CELF4: variants seen among roughly 807,000 people sequenced by gnomAD.
The protein encoded by CELF4 is CUGBP Elav-like family member 4, also known as CUG-BP- and ETR-3-like factor 4.
CELF4 carries 18 observed loss-of-function variants against 59.9 expected under a neutral mutation model. The ratio of observed to expected loss-of-function variants is 0.30; its 90% confidence interval spans 0.21 to 0.45. CELF4 has a LOEUF of 0.45. Among genes scored for constraint, CELF4 ranks in the 20% least tolerant of loss-of-function variants. CELF4 has a pLI of 1.00. For synonymous variants in CELF4, 261 were observed against 267.1 expected (o/e 0.98, Z 0.22); for missense variants, 456 against 689.0 (o/e 0.66, Z 3.79).
intron 2 of CELF4, among the ~76,000 whole-genome samples, chr18:37,357,789 T>G (rs1197610001): frequency 6.6e-6 from 1 of 152,230 alleles, no homozygotes; most frequent in Non-Finnish European, 1.5e-5. Context: ...ATGACCTGGA[T>G]GTGAGACATG....
In CELF4 at chr18:37,253,772, C is replaced by A. The variant is rs757730143; in HGVS notation, c.*39G>T. The A allele has an allele frequency of 1.9e-6, 3 of 1,575,408 alleles. No individual in the cohort carries two copies. In the South Asian group the frequency reaches 3.4e-5, roughly 18 times the overall value. ...CCCCGGCCGCCCCCGGTTACCTGTG[C>A]GAGTCCTGGTCTCCCCCGGGGGACG... On this transcript the variant is annotated 3_prime_UTR_variant, in exon 12 of 13. Transcript: ENST00000420428. This position sits in a 1 kb window ranked among gnomAD's most constrained non-coding sequence, Gnocchi z 4.5.
intron 2 of CELF4, among the ~76,000 whole-genome samples, chr18:37,365,329 C>T (rs1422866648): frequency 6.6e-6 from 1 of 152,056 alleles, no homozygotes; most frequent in Non-Finnish European, 1.5e-5. Context: ...TTCTACCAAG[C>T]CCGATGGAGT....
intron 1 of CELF4, among the ~76,000 whole-genome samples, chr18:37,531,693 G>A (rs980507701): frequency 1.1e-4 from 17 of 152,190 alleles, no homozygotes; most frequent in Non-Finnish European, 2.1e-4. Context: ...TGGGAATGGA[G>A]GATTTCCATC....
chr18:37,417,090 A>G (rs182158612), intron 2 of CELF4, among the ~76,000 whole-genome samples: 1 of 152,322 alleles, frequency 6.6e-6, no homozygotes, highest in East Asian at 1.9e-4. Context: ...AAGGGAAAAG[A>G]AAATAAAGAA....
intron 8 of CELF4, among the ~76,000 whole-genome samples, chr18:37,269,833 G>A (rs1268807328): frequency 2.0e-5 from 3 of 152,186 alleles, no homozygotes; most frequent in Non-Finnish European, 4.4e-5. Context: ...TGCAGACTTA[G>A]ATTGTGTTCC....
At chr18:37,439,438 C>T (rs879303044) in intron 2 of CELF4, among the ~76,000 whole-genome samples, 8 of 152,044 alleles carry the variant, frequency 5.3e-5, no homozygotes, top group Admixed American at 1.3e-4. Flanking sequence ...TGCATGTGTG[C>T]GTCTGAAATA....
intron 2 of CELF4, among the ~76,000 whole-genome samples, chr18:37,457,726 C>T (rs1233290738): frequency 1.3e-5 from 2 of 152,168 alleles, no homozygotes; most frequent in Non-Finnish European, 2.9e-5. Flanking sequence ...CTGGCCTGTT[C>T]CATCCTCTGA....
intron 3 of CELF4, among the ~76,000 whole-genome samples, chr18:37,308,233 C>T (rs774788126): frequency 6.6e-5 from 10 of 152,138 alleles, no homozygotes; most frequent in Non-Finnish European, 1.5e-4. Context: ...TCTCTGGTAT[C>T]GAAGACTCCC....
chr18:37,413,791 T>A (rs1328075340), intron 2 of CELF4, among the ~76,000 whole-genome samples: 3 of 152,246 alleles, frequency 2.0e-5, no homozygotes, highest in African/African-American at 4.8e-5. Context: ...TCATCCTCCC[T>A]TATGTGCAGT....
At chr18:37,509,024 C>T (rs969391407) in intron 1 of CELF4, among the ~76,000 whole-genome samples, 29 of 152,288 alleles carry the variant, frequency 1.9e-4, no homozygotes, top group African/African-American at 6.0e-4. Flanking sequence ...GCTCAAAGCC[C>T]CATCTCGATT....
At chr18:37,428,633 C>T (rs923457720) in intron 2 of CELF4, among the ~76,000 whole-genome samples, 2 of 152,182 alleles carry the variant, frequency 1.3e-5, no homozygotes, top group African/African-American at 4.8e-5. Flanking sequence ...ACAGGATCAT[C>T]GAATTCCCTT....
chr18:37,432,701 T>C (rs2099673891), intron 2 of CELF4, among the ~76,000 whole-genome samples: 2 of 152,204 alleles, frequency 1.3e-5, no homozygotes, highest in Non-Finnish European at 2.9e-5. Flanking sequence ...TGCTTCCTGT[T>C]TCAGGGCTAG....
intron 2 of CELF4, among the ~76,000 whole-genome samples, chr18:37,380,516 T>TC (rs1321002230): frequency 6.6e-6 from 1 of 152,174 alleles, no homozygotes; most frequent in African/African-American, 2.4e-5. Context: ...CCAGCATCCA[T>TC]CCACCATTCA....
At chr18:37,564,103 C>T (rs1345513609) in intron 1 of CELF4, among the ~76,000 whole-genome samples, 1 of 152,140 alleles carries the variant, frequency 6.6e-6, no homozygotes, top group Non-Finnish European at 1.5e-5. Context: ...CCAGCTGTAA[C>T]AGCATCTTCG....
intron 2 of CELF4, among the ~76,000 whole-genome samples, chr18:37,400,396 G>C (rs763769873): frequency 6.6e-6 from 1 of 152,196 alleles, no homozygotes; most frequent in Non-Finnish European, 1.5e-5. Context: ...GCACACACAC[G>C]TGTATATAGC....
chr18:37,470,890 C>CTGTGTGTG (rs2099820314), intron 2 of CELF4, among the ~76,000 whole-genome samples: 3 of 94,934 alleles, frequency 3.2e-5, no homozygotes, highest in African/African-American at 1.3e-4. Context: ...GTGTGTGTGA[C>CTGTGTGTG]AGAGAGAGAG....
At chr18:37,277,472 A>G (rs1375645990) in intron 3 of CELF4, among the ~76,000 whole-genome samples, 1 of 152,142 alleles carries the variant, frequency 6.6e-6, no homozygotes, top group Non-Finnish European at 1.5e-5. Flanking sequence ...GAAGAGAGAG[A>G]GGGAGGGTGG....
Position 37,273,036 on chromosome 18 carries a change from G to A in CELF4, c.929C>T (p.Ala310Val). The change falls in exon 7 of 13, where the codon GCA becomes GTA. Residue 310 changes from alanine to valine, a missense_variant. By Grantham distance (64) the Ala-to-Val change is moderately conservative (BLOSUM62 0). This residue lies in a region of CELF4 where 256 missense variants were observed against 340.8 expected (regional missense o/e 0.75). Coordinates refer to ENST00000420428, the MANE Select transcript of CELF4 (RefSeq NM_020180.4). ...AALNMNGLAA[A>V]PMTPTSGGST... ...CTCACCTGAGGTTGGGGTCATAGGT[G>A]CGGCCGCCAGGCCATTCATGTTGAG... 2 of 1,611,312 alleles carry A rather than the reference G, an allele frequency of 1.2e-6. No individual in the cohort carries two copies. Among genetic ancestry groups the A allele is most frequent in the Non-Finnish European group, 1.7e-6 (2 of 1,179,440 alleles).
chr18:37,339,954 C>A (rs1042752868), intron 2 of CELF4, among the ~76,000 whole-genome samples: 3 of 152,062 alleles, frequency 2.0e-5, no homozygotes, highest in African/African-American at 7.2e-5. Flanking sequence ...TCTGTGTGTC[C>A]GGCTGTTTCC....
Sources: gnomAD v4.1 joint callset for allele counts (sites outside exome capture counted in the v4.1 genomes callset) on GRCh38, gnomAD v4.1.1 for gene constraint, gnomAD v4.1.1 regional missense constraint, Gnocchi (gnomAD v3.1) non-coding constraint, MANE v1.5 for transcripts, NCBI Gene and HGNC (gene_info 2026-07-23, HGNC 2026-07-21) for gene names.